The following COLQ variants were observed in gnomAD, a reference collection of about 807,000 sequenced individuals.
The protein encoded by COLQ is collagen like tail subunit of asymmetric acetylcholinesterase.
COLQ carries 48 observed loss-of-function variants against 69.0 expected under a neutral mutation model. That is an observed-to-expected ratio of 0.70 (90% CI 0.55 to 0.88). COLQ has a LOEUF of 0.88. Ranked by LOEUF, COLQ falls within the 40% of genes least tolerant of loss-of-function variation. The pLI is 0.00. For synonymous variants in COLQ, 217 were observed against 211.2 expected (o/e 1.03, Z -0.24); for missense variants, 618 against 594.6 (o/e 1.04, Z -0.41).
chr3:15,474,814 G>T, intron 8 of COLQ, 111 bp downstream of exon 8: 2 of 1,241,506 alleles, frequency 1.6e-6, no homozygotes, highest in Non-Finnish European at 1.2e-6. Context: ...TAGGGATGGT[G>T]GCTTCAGTTG....
intron 12 of COLQ, among the ~76,000 whole-genome samples, chr3:15,462,021 ATTTATTTATTTATTTAT>A (rs1559514203): frequency 6.6e-6 from 1 of 150,528 alleles, no homozygotes; most frequent in African/African-American, 2.4e-5. Flanking sequence ...TTATTTATTT[ATTTATTTATTTATTTAT>A]TTATTTTTGA....
intron 12 of COLQ, among the ~76,000 whole-genome samples, chr3:15,458,813 T>C (rs1463054510): frequency 6.6e-6 from 1 of 152,148 alleles, no homozygotes; most frequent in Non-Finnish European, 1.5e-5. Flanking sequence ...ACTTTTATTG[T>C]TTTAAAAAAC....
At chr3:15,492,248 C>T (rs2062679209) in intron 1 of COLQ, among the ~76,000 whole-genome samples, 1 of 152,136 alleles carries the variant, frequency 6.6e-6, no homozygotes, top group Non-Finnish European at 1.5e-5. Context: ...ATGTGTCCAC[C>T]ATGTGATGTG....
intron 1 of COLQ, chr3:15,498,375 AAAACTT>A: frequency 2.3e-6 from 2 of 884,374 alleles, no homozygotes; most frequent in Non-Finnish European, 3.3e-6. Context: ...CTGTGAAAGA[AAAACTT>A]AAAAAGAAAA....
rs779900149 is a variant in COLQ, at chr3:15,451,549, T to C, written c.*95A>G. 2.6e-6 allele frequency: 3 copies of C among 1,135,232 alleles called. No individual in the cohort carries two copies. Among genetic ancestry groups the C allele is most frequent in the Non-Finnish European group, 2.7e-6 (2 of 742,818 alleles). 70.3% of individuals were successfully genotyped at this position (1,135,232 alleles called of 1,614,324 possible). A position where few individuals can be genotyped will look rare whatever the true frequency, so the allele number is the denominator to read the frequency against. Reference sequence around the variant, plus strand: ...TGTCCTTGTTTTTGTCACACAAAGGTTGGTGGAGACGGGGCCAGGACATGG... The same window carrying C: ...TGTCCTTGTTTTTGTCACACAAAGGCTGGTGGAGACGGGGCCAGGACATGG... On this transcript the variant is annotated 3_prime_UTR_variant, in exon 17 of 17. Coordinates refer to ENST00000383788, the MANE Select transcript of COLQ (RefSeq NM_005677.4).
At position 15,479,629 on chromosome 3, in the gene COLQ, G is replaced by A. The variant is rs375782854; in HGVS notation, c.322-247C>T. On this transcript the variant is annotated intron_variant, in intron 3 of 16. Coordinates refer to ENST00000383788, the MANE Select transcript of COLQ (RefSeq NM_005677.4). Reference sequence around the variant, plus strand: ...GTTGCAATGCTTACATATCTACTCTGTGGTTTTAATTTTCTCCCTGTAACT... The same window carrying A: ...GTTGCAATGCTTACATATCTACTCTATGGTTTTAATTTTCTCCCTGTAACT... 3.3e-3 allele frequency among the ~76,000 whole-genome samples: 503 copies of A among 152,280 alleles called. 4 individuals carry two copies. The highest frequency in any genetic ancestry group is 0.012 in the African/African-American group (487 of 41,544).
chr3:15,506,810 T>G (rs1241323299), intron 1 of COLQ: 1 of 152,244 alleles, frequency 6.6e-6, no homozygotes, highest in Non-Finnish European at 1.5e-5. Flanking sequence ...CCCATCATCA[T>G]AGTGCACTAT....
Position 15,494,060 on chromosome 3 carries a change from G to T in COLQ, c.107-4423C>A, listed in dbSNP as rs1575487024. On this transcript the variant is annotated intron_variant, in intron 1 of 16. Transcript: ENST00000383788. ...ATTGTGCCATTGCACTGAAGAGGAA[G>T]CTCTTATCTTAAAGGAATAGTGACT... 2.0e-5 allele frequency among the ~76,000 whole-genome samples: 3 copies of T among 152,342 alleles called. No individual in the cohort carries two copies. In the South Asian group the frequency reaches 6.2e-4, roughly 32 times the overall value.
At chr3:15,472,228 C>T (rs776415124) in intron 10 of COLQ, among the ~76,000 whole-genome samples, 11 of 152,116 alleles carry the variant, frequency 7.2e-5, no homozygotes, top group Non-Finnish European at 1.2e-4. Context: ...TTCACTGTTG[C>T]CCTGAATGAA....
chr3:15,478,396 T>C (rs2125121538), intron 5 of COLQ, among the ~76,000 whole-genome samples: 1 of 152,344 alleles, frequency 6.6e-6, no homozygotes, highest in Middle Eastern at 3.4e-3. Context: ...CGCTTGTCTA[T>C]AACCAAGACC....
At chr3:15,464,879 A>C (rs1156464657) in intron 12 of COLQ, among the ~76,000 whole-genome samples, 1 of 152,350 alleles carries the variant, frequency 6.6e-6, no homozygotes, top group Non-Finnish European at 1.5e-5. Context: ...TGAATGAGGT[A>C]AAAGAGGAAG....
chr3:15,455,870 C>G (rs749863165), intron 15 of COLQ, 29 bp downstream of exon 15: 2 of 1,613,870 alleles, frequency 1.2e-6, no homozygotes, highest in Non-Finnish European at 1.7e-6. Flanking sequence ...GTTCAGGCCT[C>G]AGGTCCTCCT....
At chr3:15,497,851 C>T (rs2062768518) in intron 1 of COLQ, among the ~76,000 whole-genome samples, 1 of 152,222 alleles carries the variant, frequency 6.6e-6, no homozygotes, top group African/African-American at 2.4e-5. Flanking sequence ...CCCCAATTCA[C>T]ATGTTCCAGA....
rs2061942028 is a variant in COLQ at position 15,451,589 on chromosome 3, G to A, written c.*55C>T. 6.5e-7 allele frequency: 1 copy of A among 1,534,600 alleles called. No individual in the cohort carries two copies. Among genetic ancestry groups the A allele is most frequent in the African/African-American group, 1.4e-5 (1 of 73,134 alleles). On this transcript the variant is annotated 3_prime_UTR_variant, in exon 17 of 17. Transcript: ENST00000383788. The stretch of plus-strand genomic sequence containing the variant: ...CCAGGACATGGCCAGTTTGATGACA[G>A]TGGAGAAGCTGCTGCCAGTTCTGTG...
intron 12 of COLQ, among the ~76,000 whole-genome samples, chr3:15,462,221 G>A (rs1042785352): frequency 7.2e-5 from 11 of 151,848 alleles, no homozygotes; most frequent in African/African-American, 1.2e-4. Context: ...TAGAGATGGG[G>A]GTTTCACCAT....
chr3:15,482,691 C>T (rs1339514774), intron 3 of COLQ, among the ~76,000 whole-genome samples: 3 of 152,180 alleles, frequency 2.0e-5, no homozygotes, highest in East Asian at 1.9e-4. Flanking sequence ...TGTGTCTCTG[C>T]CAGGCTTTGG....
intron 12 of COLQ, among the ~76,000 whole-genome samples, chr3:15,458,560 G>A (rs1289102649): frequency 6.6e-6 from 1 of 152,190 alleles, no homozygotes; most frequent in Non-Finnish European, 1.5e-5. Flanking sequence ...AGACAGGCAA[G>A]ATGTCTGGTG....
At chr3:15,463,683 G>A (rs2062156230) in intron 12 of COLQ, among the ~76,000 whole-genome samples, 1 of 152,020 alleles carries the variant, frequency 6.6e-6, no homozygotes, top group Non-Finnish European at 1.5e-5. Flanking sequence ...TACCCCAGGG[G>A]CCAAGAGAGT....
rs1441020691 is a variant in COLQ, at chr3:15,486,016, G to A, written c.321+2190C>T. On this transcript the variant is annotated intron_variant, in intron 3 of 16. Coordinates refer to ENST00000383788, the MANE Select transcript of COLQ (RefSeq NM_005677.4). The stretch of plus-strand genomic sequence containing the variant: ...AGCAATCTCAGGGGAGGAGGAACAA[G>A]CATCAGTAATTTTTGGAGCTCCCCC... 3.3e-5 allele frequency among the ~76,000 whole-genome samples: 5 copies of A among 152,326 alleles called. 1 individual carries two copies. In the Middle Eastern group the frequency reaches 0.014, roughly 417 times the overall value.
Sources: allele counts gnomAD v4.1 joint callset (sites outside exome capture counted in the v4.1 genomes callset), GRCh38; gene constraint gnomAD v4.1.1; transcripts MANE v1.5; gene names NCBI Gene and HGNC (gene_info 2026-07-23, HGNC 2026-07-21).